PYHIN1: variants seen among roughly 807,000 people sequenced by gnomAD.
PYHIN1 encodes the protein pyrin and HIN domain-containing protein 1.
In PYHIN1, 32 loss-of-function variants were observed where a neutral mutation model predicts 43.7. The observed-to-expected ratio is 0.73, with a 90% CI of 0.55 to 0.98. The LOEUF (loss-of-function observed/expected upper bound fraction) is 0.98. Ranked by LOEUF, PYHIN1 falls within the 50% of genes least tolerant of loss-of-function variation. PYHIN1 has a pLI of 0.00. For missense variants in PYHIN1, 588 were observed against 589.5 expected, an observed-to-expected ratio of 1.00 and a Z score of 0.03; for synonymous variants, 205 against 203.1, an observed-to-expected ratio of 1.01 and a Z score of -0.08.
At chr1:158,987,216 T>C in the PYHIN1 span, among the ~76,000 whole-genome samples, 3 of 152,192 alleles carry the variant, frequency 2.0e-5, no homozygotes, top group African/African-American at 7.2e-5. Context: ...CACAACCTCA[T>C]CAACACTTGT....
chr1:158,956,428 G>A (rs1362438800), intron 7 of PYHIN1, among the ~76,000 whole-genome samples: 1 of 151,968 alleles, frequency 6.6e-6, no homozygotes, highest in African/African-American at 2.4e-5. Context: ...TTTCATCCCT[G>A]GGATGCAAGG....
At position 158,973,715 on chromosome 1, in the gene PYHIN1, C is replaced by G; in HGVS notation, c.1428C>G (p.Ala476=). ...ANFRITSPTV[A]PPLSSDTSTN... ...TTAGAATCACCTCACCAACTGTGGCCCCTCCTCTTTCTTCTGACACTTCCA... is the reference window on the plus strand; with the variant it reads ...TTAGAATCACCTCACCAACTGTGGCGCCTCCTCTTTCTTCTGACACTTCCA... Residue 476 remains alanine (A), a synonymous_variant, in exon 8 of 9, where the codon GCC becomes GCG. Coordinates refer to ENST00000368140, the MANE Select transcript of PYHIN1 (RefSeq NM_152501.5). The G allele has an allele frequency of 6.2e-7, 1 of 1,613,228 alleles. No homozygotes were observed. The highest frequency in any genetic ancestry group is 8.5e-7 in the Non-Finnish European group (1 of 1,179,534).
At chr1:158,984,757 C>T in the PYHIN1 span, among the ~76,000 whole-genome samples, 4 of 152,166 alleles carry the variant, frequency 2.6e-5, no homozygotes, top group Admixed American at 6.5e-5. Context: ...GTGTTGTATT[C>T]TCCCACTATT....
chr1:158,975,687 G>T lies in PYHIN1; in HGVS notation c.*6-1014G>T, dbSNP rs1021644841. ...ATGTTCCAGGGAAAAAACGTGTTCT[G>T]CTCTAGACAAGTTAAGTTTGAGATT... On this transcript the variant is annotated intron_variant, in intron 8 of 8. Coordinates refer to ENST00000368140, the MANE Select transcript of PYHIN1 (RefSeq NM_152501.5). Among the ~76,000 whole-genome samples, 6 of 152,190 alleles carry T rather than the reference G, an allele frequency of 3.9e-5. No individual in the cohort carries two copies. The South Asian group carries it at 8.3e-4, about 21-fold the overall frequency.
At chr1:158,934,045 T>C (rs562481509) in intron 1 of PYHIN1, among the ~76,000 whole-genome samples, 56 of 152,306 alleles carry the variant, frequency 3.7e-4, no homozygotes, top group African/African-American at 1.3e-3. Flanking sequence ...ATTGAAATTC[T>C]AGTTTTAAAA....
intron 1 of PYHIN1, among the ~76,000 whole-genome samples, chr1:158,935,244 G>A (rs552384816): frequency 6.7e-6 from 1 of 148,622 alleles, no homozygotes; most frequent in East Asian, 2.0e-4. Context: ...GCATGAAAAT[G>A]TTTTATACTT....
intron 7 of PYHIN1, among the ~76,000 whole-genome samples, chr1:158,965,011 C>A (rs1269440925): frequency 2.0e-5 from 3 of 151,934 alleles, no homozygotes; most frequent in African/African-American, 7.3e-5. Context: ...TGCAATGACA[C>A]CCATTGGCTC....
intron 7 of PYHIN1, among the ~76,000 whole-genome samples, chr1:158,950,297 G>A (rs1649457424): frequency 6.6e-6 from 1 of 152,226 alleles, no homozygotes; most frequent in African/African-American, 2.4e-5. Flanking sequence ...AATGGTGTCT[G>A]TGTCAGGAGC....
chr1:158,963,906 A>C (rs1474137022), intron 7 of PYHIN1, among the ~76,000 whole-genome samples: 1 of 152,250 alleles, frequency 6.6e-6, no homozygotes, highest in Non-Finnish European at 1.5e-5. Flanking sequence ...AATGACAGAA[A>C]TAGAATTCAG....
chr1:158,949,220 G>A (rs956420098), intron 7 of PYHIN1, among the ~76,000 whole-genome samples: 4 of 152,108 alleles, frequency 2.6e-5, no homozygotes, highest in Non-Finnish European at 5.9e-5. Context: ...TGTGATTGAT[G>A]CCATGATGGA....
Position 158,943,991 on chromosome 1 carries a change from G to A in PYHIN1, c.1191+13G>A. On this transcript the variant is annotated intron_variant, in intron 6 of 8. Transcript: ENST00000368140. ...TAGTTTCATCCAGGTGAGAAATAAAGAAACAAATATTAGTTTTCCAAAGAT... is the reference window on the plus strand; with the variant it reads ...TAGTTTCATCCAGGTGAGAAATAAAAAAACAAATATTAGTTTTCCAAAGAT... The A allele has an allele frequency of 6.4e-7, 1 of 1,555,442 alleles. No homozygotes were observed. The highest frequency in any genetic ancestry group is 8.7e-7 in the Non-Finnish European group (1 of 1,143,584).
At chr1:158,986,141 TG>T in the PYHIN1 span, among the ~76,000 whole-genome samples, 1 of 152,152 alleles carries the variant, frequency 6.6e-6, no homozygotes, top group Admixed American at 6.5e-5. Flanking sequence ...TAGACTTTGC[TG>T]GGTAGGTAGC....
intron 8 of PYHIN1, among the ~76,000 whole-genome samples, 166 bp downstream of exon 8, chr1:158,973,937 A>G (rs1246570546): frequency 1.3e-5 from 2 of 152,088 alleles, no homozygotes; most frequent in African/African-American, 4.8e-5. Context: ...ACTGGATTCT[A>G]AGTCCTTCAA....
At chr1:158,969,881 A>T (rs547486700) in intron 7 of PYHIN1, among the ~76,000 whole-genome samples, 11 of 152,052 alleles carry the variant, frequency 7.2e-5, no homozygotes, top group African/African-American at 2.6e-4. Flanking sequence ...TTTTAGAAAG[A>T]GGCATGTATC....
chr1:158,988,204 T>C, the PYHIN1 span, among the ~76,000 whole-genome samples: 1 of 152,126 alleles, frequency 6.6e-6, no homozygotes, highest in Non-Finnish European at 1.5e-5. Flanking sequence ...CCTAGAAAAG[T>C]AATAGTTTGG....
intron 7 of PYHIN1, among the ~76,000 whole-genome samples, chr1:158,958,515 C>T (rs1031719769): frequency 6.9e-6 from 1 of 145,556 alleles, no homozygotes; most frequent in Non-Finnish European, 1.5e-5. Context: ...AACAAAAAAC[C>T]AAACACTGCA....
intron 4 of PYHIN1, chr1:158,939,618 C>A (rs983372676): frequency 2.3e-5 from 27 of 1,185,014 alleles, no homozygotes; most frequent in Non-Finnish European, 2.8e-5. Flanking sequence ...GATTTTCACA[C>A]ACCATATTTC....
At chr1:158,945,259 C>G in intron 7 of PYHIN1, 1 of 421,542 alleles carries the variant, frequency 2.4e-6, no homozygotes, top group Non-Finnish European at 4.1e-6. Context: ...TTGCTGACCA[C>G]AAGAGGGCTA....
chr1:158,976,194 A>G (rs892509650), intron 8 of PYHIN1, among the ~76,000 whole-genome samples: 8 of 152,124 alleles, frequency 5.3e-5, no homozygotes, highest in African/African-American at 1.9e-4. Flanking sequence ...TCTTGGAACA[A>G]ATAAAGGCTA....
Sources: allele counts gnomAD v4.1 joint callset (sites outside exome capture counted in the v4.1 genomes callset), GRCh38; gene constraint gnomAD v4.1.1; transcripts MANE v1.5; gene names NCBI Gene and HGNC (gene_info 2026-07-23, HGNC 2026-07-21).